ERBB4: variants seen among roughly 807,000 people sequenced by gnomAD.
ERBB4 encodes the protein receptor tyrosine-protein kinase erbB-4.
Under a neutral mutation model 158.0 loss-of-function variants are expected in ERBB4, and 42 were observed. That is an observed-to-expected ratio of 0.27 (90% CI 0.21 to 0.34). The LOEUF is 0.34. Among genes scored for constraint, ERBB4 ranks in the 10% least tolerant of loss-of-function variants. ERBB4 has a pLI of 1.00. For missense variants in ERBB4, 1,333 were observed against 1,624.1 expected (o/e 0.82, Z 3.08); for synonymous variants, 583 against 558.7 (o/e 1.04, Z -0.61).
At chr2:212,051,365 T>C (rs1455145919) in intron 2 of ERBB4, among the ~76,000 whole-genome samples, 2 of 152,144 alleles carry the variant, frequency 1.3e-5, no homozygotes, top group Non-Finnish European at 2.9e-5. Flanking sequence ...AAAAGTGACA[T>C]GAGAGGAAAT....
intron 1 of ERBB4, among the ~76,000 whole-genome samples, chr2:212,443,391 C>A (rs2092291450): frequency 6.6e-6 from 1 of 152,156 alleles, no homozygotes; most frequent in Non-Finnish European, 1.5e-5. Context: ...AATTCAGGGA[C>A]CTTCCAACTT....
rs1250982290 is a variant in ERBB4, at chr2:211,760,801, C to G, written c.557-10097G>C. Among the ~76,000 whole-genome samples the G allele has an allele frequency of 3.9e-5, 6 of 152,238 alleles. No individual in the cohort carries two copies. In the East Asian group the frequency reaches 1.2e-3, roughly 29 times the overall value. On this transcript the variant is annotated intron_variant, in intron 4 of 27. Transcript: ENST00000342788. The stretch of plus-strand genomic sequence containing the variant: ...ACCTCACCACATCATCTAATGCTTA[C>G]TGAGCACTCTTTACTCTCTGCACAG...
intron 20 of ERBB4, among the ~76,000 whole-genome samples, chr2:211,433,314 G>A (rs987243081): frequency 6.6e-6 from 1 of 151,706 alleles, no homozygotes; most frequent in African/African-American, 2.4e-5. Flanking sequence ...GGGCGCGGTG[G>A]CTCACGCCTG....
intron 1 of ERBB4, among the ~76,000 whole-genome samples, chr2:212,240,601 G>A (rs1036004611): frequency 2.5e-5 from 3 of 118,808 alleles, no homozygotes; most frequent in Non-Finnish European, 4.8e-5. Context: ...TCGTGCCATT[G>A]CACTCCAGTC....
intron 3 of ERBB4, among the ~76,000 whole-genome samples, chr2:211,849,446 C>T (rs531688340): frequency 1.4e-4 from 21 of 151,764 alleles, no homozygotes; most frequent in Non-Finnish European, 2.7e-4. Flanking sequence ...AACAGTAGTA[C>T]CCAATTATTA....
chr2:211,867,576 G>A (rs1185342121), intron 3 of ERBB4, among the ~76,000 whole-genome samples: 1 of 152,158 alleles, frequency 6.6e-6, no homozygotes, highest in African/African-American at 2.4e-5. Context: ...ATATATGAAT[G>A]TGTATACTCT....
Position 211,630,545 on chromosome 2 carries a change from T to C in ERBB4, c.1996A>G (p.Ile666Val), listed in dbSNP as rs370786638. 5 of 1,612,982 alleles carry C rather than the reference T, an allele frequency of 3.1e-6. No homozygotes were observed. The highest frequency in any genetic ancestry group is 4.2e-6 in the Non-Finnish European group (5 of 1,179,798). ...TAAACAGCAAATGTCAGACCCACAA[T>C]GACCAGAATGAAGAGCCCACCAATT... ...GVIGGLFILVIVGLTFAVYVR... is the reference protein window; with the variant it reads ...GVIGGLFILVVVGLTFAVYVR... Residue 666 changes from isoleucine to valine, a missense_variant, in exon 17 of 28, where the codon ATT (isoleucine) becomes GTT (valine). By Grantham distance (29) the Ile-to-Val change is conservative. Coordinates refer to ENST00000342788, the MANE Select transcript of ERBB4 (RefSeq NM_005235.3).
chr2:212,358,095 A>C (rs1243202918), intron 1 of ERBB4, among the ~76,000 whole-genome samples: 1 of 151,872 alleles, frequency 6.6e-6, no homozygotes, highest in Non-Finnish European at 1.5e-5. Flanking sequence ...GAAAATATTC[A>C]AACTATTATT....
chr2:212,322,018 T>C (rs1013854396), intron 1 of ERBB4, among the ~76,000 whole-genome samples: 12 of 150,586 alleles, frequency 8.0e-5, no homozygotes, highest in African/African-American at 2.4e-4. Context: ...TGCAAGTTTA[T>C]AGATTTCACA....
At chr2:211,624,092 C>CCTCTCTCTCTGTCT in intron 17 of ERBB4, 48 bp from the exon 18 acceptor site, 1 of 1,610,784 alleles carries the variant, frequency 6.2e-7, no homozygotes, top group Non-Finnish European at 8.5e-7. Flanking sequence ...GATAGTCAGT[C>CCTCTCTCTCTGTCT]CTCTCTCTCT....
intron 2 of ERBB4, among the ~76,000 whole-genome samples, chr2:212,042,289 C>T (rs191162969): frequency 6.6e-6 from 1 of 152,146 alleles, no homozygotes; most frequent in Admixed American, 6.5e-5. Flanking sequence ...TTTCTACATG[C>T]TGATCTTTTT....
At chr2:212,111,628 T>C (rs1365895146) in intron 2 of ERBB4, among the ~76,000 whole-genome samples, 1 of 112,580 alleles carries the variant, frequency 8.9e-6, no homozygotes, top group African/African-American at 2.8e-5. Flanking sequence ...CCTTTTTCTC[T>C]ATTCTTTTTT....
At chr2:211,850,281 T>G (rs547402413) in intron 3 of ERBB4, among the ~76,000 whole-genome samples, 5 of 152,018 alleles carry the variant, frequency 3.3e-5, no homozygotes, top group African/African-American at 1.2e-4. Flanking sequence ...GTTCTTCCAC[T>G]TTAAGTTACT....
chr2:212,509,225 T>A (rs1691368052), intron 1 of ERBB4, among the ~76,000 whole-genome samples: 1 of 152,096 alleles, frequency 6.6e-6, no homozygotes, highest in Non-Finnish European at 1.5e-5. Context: ...AATTGTAAAC[T>A]TTTTAAAAAT....
chr2:211,490,385 C>T (rs1042536479), intron 20 of ERBB4, among the ~76,000 whole-genome samples: 1 of 151,994 alleles, frequency 6.6e-6, no homozygotes, highest in African/African-American at 2.4e-5. Flanking sequence ...TTCTTTCCCA[C>T]TAGACAAGCT....
rs373043269 is a variant in ERBB4, at chr2:211,711,901, G to A, written c.1124+149C>T. 7 of 673,704 alleles carry A rather than the reference G, an allele frequency of 1.0e-5. No individual in the cohort carries two copies. In the African/African-American group the frequency reaches 1.1e-4, roughly 10 times the overall value. The allele number at this position is 673,704 out of a possible 1,614,324, so 41.7% of individuals were successfully genotyped here. Reference sequence around the variant, plus strand: ...AAACTAGTATACTGTCATTGCTGGTGAAATCAGGCCCCTGCTTTTGTTGGT... The same window carrying A: ...AAACTAGTATACTGTCATTGCTGGTAAAATCAGGCCCCTGCTTTTGTTGGT... On this transcript the variant is annotated intron_variant, in intron 9 of 27. Coordinates refer to ENST00000342788, the MANE Select transcript of ERBB4 (RefSeq NM_005235.3).
rs1575076044 is a variant in ERBB4 at position 212,521,871 on chromosome 2, G to T, written c.82+16578C>A. ...TCAATTCCAAAAAGTTACTGCAATG[G>T]TTACTCTATTTGAGTTATTATAAAT... On this transcript the variant is annotated intron_variant, in intron 1 of 27. Transcript: ENST00000342788. Among the ~76,000 whole-genome samples the T allele has an allele frequency of 3.3e-5, 5 of 151,960 alleles. No individual in the cohort carries two copies. The East Asian group carries it at 9.6e-4, about 29-fold the overall frequency.
chr2:212,268,273 A>C (rs572743074), intron 1 of ERBB4, among the ~76,000 whole-genome samples: 193 of 152,002 alleles, frequency 1.3e-3, no homozygotes, highest in African/African-American at 4.5e-3. Context: ...AGATCCTCTG[A>C]TTTAATGAGA....
chr2:211,402,845 C>A (rs1331831683), intron 25 of ERBB4, among the ~76,000 whole-genome samples: 1 of 151,890 alleles, frequency 6.6e-6, no homozygotes, highest in Non-Finnish European at 1.5e-5. Flanking sequence ...ACCAGAAGTC[C>A]CCAAAGCGGC....
Sources: gnomAD v4.1 joint callset for allele counts (sites outside exome capture counted in the v4.1 genomes callset) on GRCh38, gnomAD v4.1.1 for gene constraint, MANE v1.5 for transcripts, NCBI Gene and HGNC (gene_info 2026-07-23, HGNC 2026-07-21) for gene names.